Variants in CALN1 observed in about 807,000 individuals in gnomAD.
CALN1 encodes calcium-binding protein 8.
CALN1 carries 17 observed loss-of-function variants against 30.6 expected under a neutral mutation model. The ratio of observed to expected loss-of-function variants is 0.56; its 90% CI spans 0.38 to 0.83. The LOEUF is 0.83. Ranked by LOEUF, CALN1 falls within the 40% of genes least tolerant of loss-of-function variation. The pLI is 0.00. For synonymous variants in CALN1, 156 were observed against 131.4 expected (o/e 1.19, Z -1.28); for missense variants, 291 against 354.9 (o/e 0.82, Z 1.45).
intron 5 of CALN1, among the ~76,000 whole-genome samples, chr7:72,006,229 GGTTA>G (rs1173251970): frequency 1.3e-5 from 2 of 152,042 alleles, no homozygotes; most frequent in Non-Finnish European, 2.9e-5. Context: ...AAAAATAAGA[GGTTA>G]GTTTTTCCTT....
intron 2 of CALN1, among the ~76,000 whole-genome samples, chr7:72,397,830 C>CA (rs201507410): frequency 6.3e-4 from 94 of 150,032 alleles, no homozygotes; most frequent in Admixed American, 1.9e-3. Context: ...ATGAGCAAAA[C>CA]AAAAAAAAAT....
intron 3 of CALN1, among the ~76,000 whole-genome samples, chr7:72,216,053 A>G (rs1792783374): frequency 6.6e-6 from 1 of 152,046 alleles, no homozygotes; most frequent in East Asian, 1.9e-4. Flanking sequence ...CTCCCCACCA[A>G]TAAACCTTGC....
chr7:72,017,089 G>C (rs931875776), intron 5 of CALN1, among the ~76,000 whole-genome samples: 14 of 149,020 alleles, frequency 9.4e-5, no homozygotes, highest in Admixed American at 9.3e-4. Context: ...ACTTGAACCC[G>C]GGAGATGGAG....
At chr7:72,221,847 C>G (rs976781345) in intron 3 of CALN1, among the ~76,000 whole-genome samples, 1 of 151,950 alleles carries the variant, frequency 6.6e-6, no homozygotes, top group African/African-American at 2.4e-5. Flanking sequence ...TGAGATCGTG[C>G]CACTGCACTC....
chr7:72,243,943 C>T (rs768394486), intron 3 of CALN1, among the ~76,000 whole-genome samples: 3 of 152,132 alleles, frequency 2.0e-5, no homozygotes, highest in Non-Finnish European at 4.4e-5. Context: ...CCATGAATGC[C>T]GACTGTTCTA....
At chr7:71,863,976 T>C (rs559874380) in intron 5 of CALN1, among the ~76,000 whole-genome samples, 1 of 152,336 alleles carries the variant, frequency 6.6e-6, no homozygotes, top group Non-Finnish European at 1.5e-5. Flanking sequence ...ATTCCACTTC[T>C]ACTAATTACT....
At chr7:72,359,973 T>A (rs1434140946) in intron 2 of CALN1, among the ~76,000 whole-genome samples, 19 of 22,704 alleles carry the variant, frequency 8.4e-4, no homozygotes, top group African/African-American at 5.5e-3. Flanking sequence ...TGAGACTCCA[T>A]CTCAAAAAAA....
chr7:72,438,840 A>G (rs1808257905), intron 1 of CALN1, among the ~76,000 whole-genome samples: 1 of 152,186 alleles, frequency 6.6e-6, no homozygotes. Context: ...TTATAAGTTT[A>G]TATTTTATGT....
At chr7:71,952,879 G>A (rs566853616) in intron 5 of CALN1, among the ~76,000 whole-genome samples, 4 of 152,140 alleles carry the variant, frequency 2.6e-5, no homozygotes, top group East Asian at 1.9e-4. Context: ...AGTCTTCTTC[G>A]ATTCCTCTAA....
At chr7:72,020,201 G>A (rs1800624923) in intron 5 of CALN1, among the ~76,000 whole-genome samples, 1 of 152,126 alleles carries the variant, frequency 6.6e-6, no homozygotes, top group Non-Finnish European at 1.5e-5. Flanking sequence ...TAGGACTACA[G>A]GTGCATAACA....
Position 71,905,489 on chromosome 7 carries a change from T to C in CALN1, c.502-94997A>G, listed in dbSNP as rs80345610. Among the ~76,000 whole-genome samples, 288 of 152,050 alleles carry C rather than the reference T, an allele frequency of 1.9e-3. 1 individual carries two copies. Among genetic ancestry groups the C allele is most frequent in the African/African-American group, 6.7e-3 (277 of 41,514 alleles). On this transcript the variant is annotated intron_variant, in intron 5 of 6. Transcript: ENST00000395275. ...TTAACTTTTCTGCCTTCTGTCATAATGTAGTCCAAAAAGATCAGGGCTTTT... is the reference window on the plus strand; with the variant it reads ...TTAACTTTTCTGCCTTCTGTCATAACGTAGTCCAAAAAGATCAGGGCTTTT...
At chr7:72,006,574 A>C (rs1799782579) in intron 5 of CALN1, among the ~76,000 whole-genome samples, 1 of 151,812 alleles carries the variant, frequency 6.6e-6, no homozygotes, top group Non-Finnish European at 1.5e-5. Context: ...AAAAAAGTAG[A>C]TTTTTTTTAA....
intron 4 of CALN1, among the ~76,000 whole-genome samples, chr7:72,039,849 C>A (rs1053659420): frequency 6.6e-6 from 1 of 152,148 alleles, no homozygotes; most frequent in Non-Finnish European, 1.5e-5. Flanking sequence ...GAAGACCCCC[C>A]CAAGCAGGCT....
chr7:72,393,403 G>A (rs1428719529), intron 2 of CALN1, among the ~76,000 whole-genome samples: 1 of 152,182 alleles, frequency 6.6e-6, no homozygotes, highest in East Asian at 1.9e-4. Context: ...GGCAGAGCTT[G>A]CAGTGAGCCG....
At chr7:72,390,785 A>G (rs757759667) in intron 2 of CALN1, among the ~76,000 whole-genome samples, 1 of 152,242 alleles carries the variant, frequency 6.6e-6, no homozygotes, top group Non-Finnish European at 1.5e-5. Context: ...TTAATACATC[A>G]ACAAGGAAGC....
chr7:72,408,726 G>A (rs536709329), intron 1 of CALN1, among the ~76,000 whole-genome samples: 5 of 118,846 alleles, frequency 4.2e-5, no homozygotes, highest in Non-Finnish European at 8.1e-5. Context: ...ACCCAGGTTG[G>A]AGTGCAGAGG....
At chr7:71,832,150 T>C (rs1789327136) in intron 5 of CALN1, among the ~76,000 whole-genome samples, 1 of 152,070 alleles carries the variant, frequency 6.6e-6, no homozygotes, top group South Asian at 2.1e-4. Flanking sequence ...CTTTTTTTTG[T>C]TCTCATTTAA....
chr7:72,359,569 A>G (rs1377271955), intron 2 of CALN1, among the ~76,000 whole-genome samples: 1 of 152,168 alleles, frequency 6.6e-6, no homozygotes, highest in African/African-American at 2.4e-5. Context: ...GGTATGACAC[A>G]GTGAAGATAA....
chr7:71,996,751 T>C (rs1799273184), intron 5 of CALN1, among the ~76,000 whole-genome samples: 1 of 152,152 alleles, frequency 6.6e-6, no homozygotes, highest in Non-Finnish European at 1.5e-5. Context: ...AAACCTGCAC[T>C]GTCCTGCACA....
Sources: gnomAD v4.1 joint callset for allele counts (sites outside exome capture counted in the v4.1 genomes callset) on GRCh38, gnomAD v4.1.1 for gene constraint, MANE v1.5 for transcripts, NCBI Gene and HGNC (gene_info 2026-07-23, HGNC 2026-07-21) for gene names.